The following PSAP variants were observed in gnomAD, a reference collection of about 807,000 sequenced individuals.
PSAP encodes prosaposin.
PSAP carries 25 observed loss-of-function variants against 66.0 expected under a neutral mutation model. The observed-to-expected ratio is 0.38, with a 90% CI of 0.28 to 0.53. The LOEUF (loss-of-function observed/expected upper bound fraction) is 0.53, where lower values mean the gene tolerates loss of function less well. PSAP is among the 20% of genes least tolerant of loss of function. The pLI, the probability that PSAP is intolerant of heterozygous loss-of-function variation, is 0.83. For missense variants in PSAP, 649 were observed against 668.8 expected, an observed-to-expected ratio of 0.97 and a Z score of 0.33; for synonymous variants, 273 against 258.9, an observed-to-expected ratio of 1.05 and a Z score of -0.52.
chr10:71,845,629 C>T (rs753911380), intron 1 of PSAP, among the ~76,000 whole-genome samples: 34 of 152,302 alleles, frequency 2.2e-4, no homozygotes, highest in Non-Finnish European at 4.0e-4. Flanking sequence ...TACTGACTGA[C>T]CTGGCTTCCC....
At chr10:71,823,757 G>A (rs1040647553) in intron 7 of PSAP, 2 of 619,928 alleles carry the variant, frequency 3.2e-6, no homozygotes, top group African/African-American at 3.9e-5. Context: ...TATTAACAGA[G>A]AGGGAGCCTG....
rs372856811 is a variant in PSAP at position 71,831,208 on chromosome 10, G to A, written c.293C>T (p.Pro98Leu). The change falls in exon 4 of 14, where the codon CCG becomes CTG. Residue 98 changes from proline (P) to leucine (L), a missense_variant. Transcript: ENST00000394936. ...GCATGAAGCAGACATGTTCGGTTTC[G>A]GAAGCCAGTCACAGGTCTTCTCCAA... ...VYLEKTCDWLPKPNMSASCKE... is the reference protein window; with the variant it reads ...VYLEKTCDWLLKPNMSASCKE... 68 of 1,613,908 alleles carry A rather than the reference G, an allele frequency of 4.2e-5. No individual in the cohort carries two copies. Among genetic ancestry groups the A allele is most frequent in the Middle Eastern group, 1.6e-4 (1 of 6,084 alleles).
intron 7 of PSAP, chr10:71,823,892 T>C: frequency 7.7e-7 from 1 of 1,296,174 alleles, no homozygotes; most frequent in Non-Finnish European, 1.0e-6. Flanking sequence ...ACATACCTGA[T>C]CCTGCTGTTG....
intron 7 of PSAP, among the ~76,000 whole-genome samples, chr10:71,824,734 A>C (rs1281263398): frequency 2.0e-5 from 3 of 152,252 alleles, no homozygotes; most frequent in Non-Finnish European, 1.5e-5. Context: ...ATATATTCTG[A>C]AACTCCAAAT....
intron 1 of PSAP, among the ~76,000 whole-genome samples, chr10:71,839,310 G>A (rs1018585068): frequency 2.0e-5 from 3 of 152,062 alleles, no homozygotes; most frequent in Non-Finnish European, 2.9e-5. Context: ...CACGATCTCG[G>A]CTTACTGCAG....
At chr10:71,844,433 A>G (rs752488166) in intron 1 of PSAP, among the ~76,000 whole-genome samples, 5 of 152,240 alleles carry the variant, frequency 3.3e-5, no homozygotes, top group Admixed American at 6.5e-5. Flanking sequence ...TGGGGGGCTG[A>G]GGTGGGCAGA....
chr10:71,823,439 A>T (rs1842343480), intron 7 of PSAP, among the ~76,000 whole-genome samples: 1 of 152,254 alleles, frequency 6.6e-6, no homozygotes, highest in African/African-American at 2.4e-5. Context: ...TTCTGTGTTT[A>T]TGAAAAACAG....
chr10:71,843,287 G>A (rs1842761101), intron 1 of PSAP, among the ~76,000 whole-genome samples: 1 of 152,174 alleles, frequency 6.6e-6, no homozygotes, highest in South Asian at 2.1e-4. Context: ...CTGGACAGCA[G>A]GCCAGACAGA....
intron 1 of PSAP, among the ~76,000 whole-genome samples, chr10:71,849,868 A>C (rs1000539973): frequency 6.6e-6 from 1 of 151,910 alleles, no homozygotes; most frequent in Admixed American, 6.6e-5. Context: ...GGACCAGAAA[A>C]CCCTATATCG....
At chr10:71,830,912 A>G (rs1043299965) in intron 4 of PSAP, among the ~76,000 whole-genome samples, 1 of 152,220 alleles carries the variant, frequency 6.6e-6, no homozygotes, top group Non-Finnish European at 1.5e-5. Context: ...ACCAGTCCCC[A>G]GCAGCCGCAC....
In PSAP at chr10:71,830,591, C is replaced by T. The variant is rs78361477; in HGVS notation, c.375+535G>A. Among the ~76,000 whole-genome samples, 361 of 152,338 alleles carry T rather than the reference C, an allele frequency of 2.4e-3. 11 individuals carry two copies. In the East Asian group the frequency reaches 0.063, roughly 27 times the overall value. The stretch of plus-strand genomic sequence containing the variant: ...GTCCTGTCTTGGGAAAGTCCTGCCC[C>T]ACTGGCCCTCTTCAGTTACTTAAAC... On this transcript the variant is annotated intron_variant, in intron 4 of 13. Coordinates refer to ENST00000394936, the MANE Select transcript of PSAP (RefSeq NM_002778.4).
At chr10:71,838,078 C>A (rs1257007935) in intron 1 of PSAP, among the ~76,000 whole-genome samples, 1 of 152,164 alleles carries the variant, frequency 6.6e-6, no homozygotes, top group Non-Finnish European at 1.5e-5. Context: ...CTCAACCACC[C>A]AGGCACAAGG....
Position 71,828,997 on chromosome 10 carries a change from C to G in PSAP, c.456G>C (p.Lys152Asn), listed in dbSNP as rs1302474021. 1.9e-6 allele frequency: 3 copies of G among 1,614,160 alleles called. No homozygotes were observed. The South Asian group carries it at 3.3e-5, about 18-fold the overall frequency. Residue 152 changes from lysine to asparagine, a missense_variant, in exon 5 of 14, where the codon AAG (lysine) becomes AAC (asparagine). Transcript: ENST00000394936. ...QKHLAELNHQKQLESNKIPEL... is the reference protein window; with the variant it reads ...QKHLAELNHQNQLESNKIPEL... ...CTGGGATCTTATTGGACTCCAGCTG[C>G]TTCTGGTGATTCAGCTCTGCTAGGT...
At chr10:71,845,454 AGTC>A (rs1425653052) in intron 1 of PSAP, among the ~76,000 whole-genome samples, 3 of 152,224 alleles carry the variant, frequency 2.0e-5, no homozygotes, top group African/African-American at 7.2e-5. Flanking sequence ...CAAGCAAAAC[AGTC>A]AGTAGAATAT....
intron 1 of PSAP, among the ~76,000 whole-genome samples, chr10:71,845,225 T>G (rs1190539289): frequency 6.6e-6 from 1 of 152,110 alleles, no homozygotes; most frequent in Non-Finnish European, 1.5e-5. Flanking sequence ...GCAAAATGTT[T>G]AAAATATCCA....
chr10:71,833,359 G>C (rs1253877500), intron 2 of PSAP, among the ~76,000 whole-genome samples: 2 of 152,226 alleles, frequency 1.3e-5, no homozygotes, highest in East Asian at 3.9e-4. Context: ...TCAGGAGGCT[G>C]AGGTGGGAGG....
intron 1 of PSAP, among the ~76,000 whole-genome samples, chr10:71,835,219 A>AGAATAAAT (rs368082951): frequency 3.4e-5 from 5 of 147,280 alleles, no homozygotes; most frequent in Non-Finnish European, 7.5e-5. Context: ...TCCGTTTCAA[A>AGAATAAAT]AAATAAATAA....
intron 1 of PSAP, among the ~76,000 whole-genome samples, chr10:71,836,721 G>A (rs1227721078): frequency 6.6e-6 from 1 of 152,178 alleles, no homozygotes; most frequent in Non-Finnish European, 1.5e-5. Flanking sequence ...CTCATCCAGT[G>A]TAATGTCCAC....
chr10:71,845,552 C>T (rs1023134455), intron 1 of PSAP, among the ~76,000 whole-genome samples: 12 of 152,180 alleles, frequency 7.9e-5, no homozygotes, highest in African/African-American at 2.9e-4. Flanking sequence ...GAGCTGCTAC[C>T]AGGCTGTTTG....
Sources: allele counts gnomAD v4.1 joint callset (sites outside exome capture counted in the v4.1 genomes callset), GRCh38; gene constraint gnomAD v4.1.1; transcripts MANE v1.5; gene names NCBI Gene and HGNC (gene_info 2026-07-23, HGNC 2026-07-21).